The following CLIC5 variants were observed in gnomAD, a reference collection of about 807,000 sequenced individuals.
CLIC5 encodes the protein chloride intracellular channel protein 5.
In CLIC5, 20 loss-of-function variants were observed where a neutral mutation model predicts 24.7. That is an observed-to-expected ratio of 0.81 (90% CI 0.57 to 1.18). CLIC5 has a LOEUF of 1.18. CLIC5 is among the 50% of genes most tolerant of loss of function. The pLI is 0.00. For synonymous variants in CLIC5, 159 were observed against 135.6 expected (o/e 1.17, Z -1.20); for missense variants, 341 against 326.1 (o/e 1.05, Z -0.35).
intron 1 of CLIC5, among the ~76,000 whole-genome samples, chr6:45,964,373 G>A (rs560820604): frequency 2.6e-4 from 39 of 152,302 alleles, no homozygotes; most frequent in African/African-American, 8.9e-4. Context: ...GCCCCAGCTA[G>A]AGGTGGAGTC....
intron 1 of CLIC5, among the ~76,000 whole-genome samples, chr6:46,030,490 A>G (rs1231631753): frequency 6.6e-6 from 1 of 152,124 alleles, no homozygotes; most frequent in Non-Finnish European, 1.5e-5. Context: ...GGTAGCCAGG[A>G]CATGCCATCT....
chr6:45,955,170 T>C lies in CLIC5; in HGVS notation c.138A>G (p.Gly46=), dbSNP rs1361540870. The change falls in exon 2 of 6, where the codon GGA becomes GGG. Residue 46 remains glycine (G), a synonymous_variant. Coordinates refer to ENST00000339561, the MANE Select transcript of CLIC5 (RefSeq NM_016929.5). ...CCACAGTGGTGACATTGAACACGAC[T>C]CCTTTCAGCCAGAGGATCATGAAGA... ...QRLFMILWLK[G]VVFNVTTVDL... 9 of 1,613,964 alleles carry C rather than the reference T, an allele frequency of 5.6e-6. No individual in the cohort carries two copies. The highest frequency in any genetic ancestry group is 7.6e-6 in the Non-Finnish European group (9 of 1,179,852).
At chr6:45,914,663 G>A in intron 4 of CLIC5, 1 of 549,918 alleles carries the variant, frequency 1.8e-6, no homozygotes, top group African/African-American at 2.0e-5. Flanking sequence ...CATAAATATA[G>A]AAACACAGTC....
At chr6:45,905,087 T>G (rs1762620569) in intron 5 of CLIC5, among the ~76,000 whole-genome samples, 1 of 152,212 alleles carries the variant, frequency 6.6e-6, no homozygotes, top group Non-Finnish European at 1.5e-5. Context: ...TAGTATTCCA[T>G]GATGTATATG....
chr6:45,911,955 G>A, intron 5 of CLIC5: 2 of 985,614 alleles, frequency 2.0e-6, no homozygotes, highest in Non-Finnish European at 2.4e-6. Flanking sequence ...GAGAGCCTGG[G>A]CCAGAGCAAC....
chr6:45,982,010 GA>G (rs200953765), intron 1 of CLIC5, among the ~76,000 whole-genome samples: 5,308 of 141,224 alleles, frequency 0.038, 143 homozygotes, highest in South Asian at 0.11. Flanking sequence ...AAAAAAAAAA[GA>G]AAAAAAGAAA....
the CLIC5 span, among the ~76,000 whole-genome samples, chr6:46,100,177 G>C: frequency 6.6e-6 from 1 of 152,054 alleles, no homozygotes. Context: ...TTCATCATCC[G>C]CCTTTGACCT....
intron 1 of CLIC5, among the ~76,000 whole-genome samples, chr6:45,994,968 A>T (rs762180184): frequency 7.9e-5 from 12 of 152,350 alleles, no homozygotes; most frequent in Non-Finnish European, 1.3e-4. Flanking sequence ...ACAGTGAACA[A>T]GTACTATTGG....
chr6:46,107,265 C>A, the CLIC5 span, among the ~76,000 whole-genome samples: 2 of 151,850 alleles, frequency 1.3e-5, no homozygotes, highest in African/African-American at 2.4e-5. Flanking sequence ...CATTTTTAAT[C>A]TGTGAGTTTA....
intron 1 of CLIC5, among the ~76,000 whole-genome samples, chr6:46,062,158 G>C (rs1581911297): frequency 6.6e-6 from 1 of 152,206 alleles, no homozygotes; most frequent in Admixed American, 6.5e-5. Flanking sequence ...ATTTTGAATA[G>C]TGCAGTTCTA....
At chr6:45,951,382 T>C (rs933401264) in intron 2 of CLIC5, among the ~76,000 whole-genome samples, 1 of 152,212 alleles carries the variant, frequency 6.6e-6, no homozygotes, top group Non-Finnish European at 1.5e-5. Flanking sequence ...TTGAACTTCC[T>C]GCACTTAGCC....
chr6:46,051,530 T>C (rs925376659), intron 1 of CLIC5, among the ~76,000 whole-genome samples: 2 of 152,318 alleles, frequency 1.3e-5, no homozygotes, highest in Admixed American at 1.3e-4. Flanking sequence ...TTCTCTCCTT[T>C]TTTTTCTGTG....
At chr6:46,029,124 A>T (rs1175403862) in intron 1 of CLIC5, among the ~76,000 whole-genome samples, 2 of 152,262 alleles carry the variant, frequency 1.3e-5, no homozygotes, top group Admixed American at 1.3e-4. Flanking sequence ...CGGTTCTTCC[A>T]TGCCTTTCAT....
chr6:46,059,793 AGAGGGAGT>A (rs1762192853), intron 1 of CLIC5, among the ~76,000 whole-genome samples: 1 of 152,102 alleles, frequency 6.6e-6, no homozygotes, highest in African/African-American at 2.4e-5. Flanking sequence ...TCTGCCTCCC[AGAGGGAGT>A]GAGGAAGTGG....
chr6:46,054,063 G>A (rs766460868), intron 1 of CLIC5, among the ~76,000 whole-genome samples: 1 of 152,138 alleles, frequency 6.6e-6, no homozygotes, highest in Non-Finnish European at 1.5e-5. Context: ...TGCTTGGGAA[G>A]CTCCAGGTGG....
chr6:45,939,512 C>T (rs1232493333), intron 4 of CLIC5, among the ~76,000 whole-genome samples: 1 of 152,110 alleles, frequency 6.6e-6, no homozygotes, highest in Non-Finnish European at 1.5e-5. Flanking sequence ...CTTATAAGAA[C>T]AACAGTCATT....
rs1328315653 is a variant in CLIC5 at position 45,978,817 on chromosome 6, G to A, written c.64-23573C>T. On this transcript the variant is annotated intron_variant, in intron 1 of 5. Coordinates refer to ENST00000339561, the MANE Select transcript of CLIC5 (RefSeq NM_016929.5). ...ATACAAACATTAGCCGGGCATGGTG[G>A]CACATGCCTTTAATCCCAGCTACTT... Among the ~76,000 whole-genome samples the A allele has an allele frequency of 5.3e-5, 8 of 152,288 alleles. 1 individual carries two copies. The highest frequency in any genetic ancestry group is 3.9e-4 in the East Asian group (2 of 5,184).
intron 1 of CLIC5, among the ~76,000 whole-genome samples, chr6:46,026,326 A>G (rs9472667): frequency 0.14 from 20,754 of 152,132 alleles, 1,524 homozygotes; most frequent in African/African-American, 0.18. Context: ...ATACATCCTT[A>G]TATATGCATC....
At chr6:45,897,696 C>T (rs1281773466), downstream of CLIC5, among the ~76,000 whole-genome samples, 1 of 152,100 alleles carries the variant, frequency 6.6e-6, no homozygotes, top group African/African-American at 2.4e-5. Context: ...TCAGGTAAAG[C>T]TTACTAAGGA....
Sources: gnomAD v4.1 joint callset for allele counts (sites outside exome capture counted in the v4.1 genomes callset) on GRCh38, gnomAD v4.1.1 for gene constraint, MANE v1.5 for transcripts, NCBI Gene and HGNC (gene_info 2026-07-23, HGNC 2026-07-21) for gene names.